Variants in KIRREL3 observed in about 807,000 individuals in gnomAD.
The protein encoded by KIRREL3 is kirre like nephrin family adhesion molecule 3, also known as kin of IRRE-like protein 3.
A neutral mutation model predicts 89.7 loss-of-function variants in KIRREL3; 36 were observed. The observed-to-expected ratio is 0.40, with a 90% CI of 0.31 to 0.53. The LOEUF (loss-of-function observed/expected upper bound fraction) is 0.53. Ranked by LOEUF, KIRREL3 falls within the 20% of genes least tolerant of loss-of-function variation. The pLI is 0.49. For missense variants in KIRREL3, 864 were observed against 1,056.6 expected, an observed-to-expected ratio of 0.82 and a Z score of 2.53; for synonymous variants, 445 against 441.4, an observed-to-expected ratio of 1.01 and a Z score of -0.10.
chr11:126,597,553 AC>A (rs1437583014), intron 1 of KIRREL3, among the ~76,000 whole-genome samples: 1 of 152,162 alleles, frequency 6.6e-6, no homozygotes, highest in Non-Finnish European at 1.5e-5. Context: ...GGTGGGAAGG[AC>A]AACCCTGTCA....
rs1168464626 is a variant in KIRREL3, at chr11:126,664,775, C to A, written c.56-101863G>T. Among the ~76,000 whole-genome samples, 2 of 152,178 alleles carry A rather than the reference C, an allele frequency of 1.3e-5. No homozygotes were observed. Among genetic ancestry groups the A allele is most frequent in the East Asian group, 3.9e-4 (2 of 5,190 alleles). The stretch of plus-strand genomic sequence containing the variant: ...CAATGACATCTCATAGAGACACTTT[C>A]CTTTCTAACCCTGGCTGCAGCCTCA... On this transcript the variant is annotated intron_variant, in intron 1 of 16. Coordinates refer to ENST00000525144, the MANE Select transcript of KIRREL3 (RefSeq NM_032531.4). This position sits in a 1 kb window ranked among gnomAD's most constrained non-coding sequence, Gnocchi z 5.4.
chr11:126,440,224 A>C, intron 11 of KIRREL3: 1 of 695,818 alleles, frequency 1.4e-6, no homozygotes, highest in South Asian at 1.5e-5. Flanking sequence ...GTCAGAGCTC[A>C]GCAGAATGGC....
chr11:126,875,332 G>A (rs1176400096), intron 1 of KIRREL3, among the ~76,000 whole-genome samples: 1 of 152,148 alleles, frequency 6.6e-6, no homozygotes, highest in Non-Finnish European at 1.5e-5. Context: ...GACATAATGT[G>A]GGGAATGACA....
intron 1 of KIRREL3, among the ~76,000 whole-genome samples, chr11:126,713,104 A>G (rs1947826231): frequency 6.6e-6 from 1 of 152,204 alleles, no homozygotes; most frequent in Non-Finnish European, 1.5e-5. Flanking sequence ...GAGGAAGCAC[A>G]GGGGGCTGTG....
intron 1 of KIRREL3, among the ~76,000 whole-genome samples, chr11:126,637,540 C>T (rs923578159): frequency 6.6e-6 from 1 of 152,156 alleles, no homozygotes; most frequent in Non-Finnish European, 1.5e-5. Context: ...GCTAGTTTCT[C>T]CTCTTGCAAA....
chr11:126,898,153 A>G lies in KIRREL3; in HGVS notation c.55+102302T>C, dbSNP rs933147446. 1.8e-4 allele frequency among the ~76,000 whole-genome samples: 28 copies of G among 152,154 alleles called. No homozygotes were observed. The highest frequency in any genetic ancestry group is 6.8e-4 in the African/African-American group (28 of 41,438). On this transcript the variant is annotated intron_variant, in intron 1 of 16. Transcript: ENST00000525144. The surrounding 1 kb of genome is among the most constrained non-coding windows in gnomAD (Gnocchi z 4.9). ...CCAGTCTCTGATGCCACAGTCGCCT[A>G]TCTCGTGGACAGGTGGAAGTAAAGA...
chr11:126,584,819 TAACTC>T (rs1179964246), intron 1 of KIRREL3, among the ~76,000 whole-genome samples: 2 of 152,196 alleles, frequency 1.3e-5, no homozygotes, highest in Non-Finnish European at 2.9e-5. Flanking sequence ...GATGGGCACT[TAACTC>T]AATAATACCA....
chr11:126,727,988 G>A (rs906406041), intron 1 of KIRREL3, among the ~76,000 whole-genome samples: 13 of 151,820 alleles, frequency 8.6e-5, no homozygotes, highest in Non-Finnish European at 1.8e-4. Flanking sequence ...CATTTCTCCC[G>A]CAGCCCCACA....
At chr11:126,762,301 T>C (rs939794328) in intron 1 of KIRREL3, among the ~76,000 whole-genome samples, 4 of 152,168 alleles carry the variant, frequency 2.6e-5, no homozygotes, top group Admixed American at 6.5e-5. Context: ...GCAAGACCAA[T>C]TGACTACAAA....
intron 1 of KIRREL3, among the ~76,000 whole-genome samples, chr11:126,617,971 A>G (rs618603): frequency 0.51 from 76,947 of 152,050 alleles, 20,822 homozygotes; most frequent in Admixed American, 0.61. Context: ...GTGATCCTCA[A>G]TGTTGGAGGT....
intron 1 of KIRREL3, among the ~76,000 whole-genome samples, chr11:126,626,141 C>T (rs546246052): frequency 2.6e-5 from 4 of 152,302 alleles, no homozygotes; most frequent in African/African-American, 9.6e-5. Context: ...ATACATGTTT[C>T]TATAGTCCTG....
rs1377820981 is a variant in KIRREL3 at position 126,651,083 on chromosome 11, A to G, written c.56-88171T>C. Among the ~76,000 whole-genome samples the G allele has an allele frequency of 6.6e-6, 1 of 152,150 alleles. No individual in the cohort carries two copies. The highest frequency in any genetic ancestry group is 2.4e-5 in the African/African-American group (1 of 41,446). The stretch of plus-strand genomic sequence containing the variant: ...ACCCCCATGATTCAAATTATCTCCC[A>G]CCGGGTCCCTCCCACAACACATAGG... On this transcript the variant is annotated intron_variant, in intron 1 of 16. Transcript: ENST00000525144. The surrounding 1 kb of genome is among the most constrained non-coding windows in gnomAD (Gnocchi z 4.6).
rs1260629827 is a variant in KIRREL3, at chr11:126,805,404, C to T, written c.55+195051G>A. On this transcript the variant is annotated intron_variant, in intron 1 of 16. Transcript: ENST00000525144. The surrounding 1 kb of genome is among the most constrained non-coding windows in gnomAD (Gnocchi z 4.3). ...TAATTACTCAGATGCTCTTATGCTC[C>T]TCAAAGGTCCTAGTGCACCTCTTTA... Among the ~76,000 whole-genome samples the T allele has an allele frequency of 6.6e-6, 1 of 152,122 alleles. No individual in the cohort carries two copies. The highest frequency in any genetic ancestry group is 1.5e-5 in the Non-Finnish European group (1 of 68,010).
Position 126,642,922 on chromosome 11 carries a change from GA to G in KIRREL3, c.56-80011del, listed in dbSNP as rs1395376831. On this transcript the variant is annotated intron_variant, in intron 1 of 16. Transcript: ENST00000525144. The surrounding 1 kb of genome is among the most constrained non-coding windows in gnomAD (Gnocchi z 4.9). ...CAAAGGTGAACCAAGCATGGTTCCA[GA>G]GTACAAGGATCCTACAAAGTAAAAG... Among the ~76,000 whole-genome samples the G allele has an allele frequency of 6.6e-6, 1 of 152,152 alleles. No homozygotes were observed. The highest frequency in any genetic ancestry group is 1.5e-5 in the Non-Finnish European group (1 of 68,024).
chr11:126,425,499 C>T (rs1018206936), intron 16 of KIRREL3, 139 bp downstream of exon 16: 115 of 725,748 alleles, frequency 1.6e-4, no homozygotes, highest in East Asian at 5.4e-4. Context: ...TAGGCAGGGA[C>T]GGGCACCTGC....
intron 1 of KIRREL3, among the ~76,000 whole-genome samples, chr11:126,757,624 T>G (rs139349892): frequency 1.3e-5 from 2 of 152,286 alleles, no homozygotes; most frequent in African/African-American, 4.8e-5. Context: ...GAATCCTTGA[T>G]CTGGTGACAT....
chr11:126,806,606 C>T (rs1456264028), intron 1 of KIRREL3, among the ~76,000 whole-genome samples: 2 of 152,154 alleles, frequency 1.3e-5, no homozygotes, highest in Non-Finnish European at 2.9e-5. Context: ...CAACTCCTAA[C>T]CTATCAGTTA....
intron 4 of KIRREL3, among the ~76,000 whole-genome samples, chr11:126,487,318 G>A (rs531176226): frequency 2.8e-4 from 42 of 152,194 alleles, no homozygotes; most frequent in Non-Finnish European, 4.7e-4. Flanking sequence ...AGGGCGGGGC[G>A]TGGGGTGCAA....
intron 9 of KIRREL3, 148 bp from the exon 10 acceptor site, chr11:126,445,253 A>G: frequency 9.9e-7 from 1 of 1,013,622 alleles, no homozygotes; most frequent in South Asian, 1.6e-5. Flanking sequence ...GAAAGAGGCC[A>G]AAAGTTTCCT....
Sources: allele counts gnomAD v4.1 joint callset (sites outside exome capture counted in the v4.1 genomes callset), GRCh38; gene constraint gnomAD v4.1.1; non-coding constraint Gnocchi (gnomAD v3.1); transcripts MANE v1.5; gene names NCBI Gene and HGNC (gene_info 2026-07-23, HGNC 2026-07-21).